Variants in SH3BGR observed in about 807,000 individuals in gnomAD.
SH3BGR encodes SH3 domain-binding glutamic acid-rich protein.
SH3BGR carries 29 observed loss-of-function variants against 24.5 expected under a neutral mutation model. The observed-to-expected ratio is 1.18, with a 90% CI of 0.88 to 1.61. SH3BGR has a LOEUF of 1.61. Among genes scored for constraint, SH3BGR ranks in the 40% most tolerant of loss-of-function variants. SH3BGR has a pLI of 0.00. For synonymous variants in SH3BGR, 55 were observed against 65.7 expected, an observed-to-expected ratio of 0.84 and a Z score of 0.79; for missense variants, 162 against 205.8, an observed-to-expected ratio of 0.79 and a Z score of 1.30.
chr21:39,480,525 T>C (rs1024693355), intron 3 of SH3BGR, among the ~76,000 whole-genome samples: 1 of 152,204 alleles, frequency 6.6e-6, no homozygotes, highest in Non-Finnish European at 1.5e-5. Flanking sequence ...TGTCAGCACT[T>C]CTTTCTTTGT....
At chr21:39,462,803 T>C (rs1306471213) in intron 2 of SH3BGR, among the ~76,000 whole-genome samples, 1 of 152,242 alleles carries the variant, frequency 6.6e-6, no homozygotes, top group Non-Finnish European at 1.5e-5. Flanking sequence ...TTCTTTGTTT[T>C]ATTTTGAAGA....
At position 39,504,337 on chromosome 21, in the gene SH3BGR, T is replaced by C. The variant is rs537503873; in HGVS notation, c.405+4422T>C. On this transcript the variant is annotated intron_variant, in intron 4 of 6. Coordinates refer to ENST00000333634, the MANE Select transcript of SH3BGR (RefSeq NM_007341.3). ...GCCTGCAGCTCGAGAGGACTCTGCC[T>C]CTGTCCTCTCATCTCTAGCCGCTCT... Among the ~76,000 whole-genome samples, 8 of 152,312 alleles carry C rather than the reference T, an allele frequency of 5.3e-5. No homozygotes were observed. The East Asian group carries it at 1.5e-3, about 29-fold the overall frequency.
chr21:39,448,838 C>T (rs1248826567), upstream of SH3BGR, among the ~76,000 whole-genome samples: 1 of 152,090 alleles, frequency 6.6e-6, no homozygotes, highest in Admixed American at 6.5e-5. Flanking sequence ...TCCAACTGAC[C>T]CCGATAGACT....
intron 1 of SH3BGR, among the ~76,000 whole-genome samples, chr21:39,458,050 T>C (rs906241651): frequency 3.3e-5 from 5 of 152,216 alleles, no homozygotes; most frequent in Non-Finnish European, 7.3e-5. Flanking sequence ...TTGGTTTACA[T>C]GTCTCTAAGA....
chr21:39,465,652 G>A lies in SH3BGR; in HGVS notation c.231+3092G>A, dbSNP rs916104350. 1.4e-4 allele frequency among the ~76,000 whole-genome samples: 21 copies of A among 152,150 alleles called. 1 individual carries two copies. Among genetic ancestry groups the A allele is most frequent in the South Asian group, 6.2e-4 (3 of 4,816 alleles). On this transcript the variant is annotated intron_variant, in intron 2 of 6. Transcript: ENST00000333634. ...GTCACCCAGGTTGGAGTGCAGTGGCGCAATCATAGCTCACTGCAGCCTCAA... is the reference window on the plus strand; with the variant it reads ...GTCACCCAGGTTGGAGTGCAGTGGCACAATCATAGCTCACTGCAGCCTCAA...
At chr21:39,468,864 CCTCTT>C (rs2077887708) in intron 2 of SH3BGR, among the ~76,000 whole-genome samples, 2 of 152,108 alleles carry the variant, frequency 1.3e-5, no homozygotes, top group Admixed American at 1.3e-4. Flanking sequence ...TTTTAGAGAG[CCTCTT>C]GTTCATCTGG....
rs554376258 is a variant in SH3BGR at position 39,515,383 on chromosome 21, G to GTTC, written c.*332_*334dup. ...AAAAAAATGATTTCAAGGCATGGAA[G>GTTC]TTCTCTGTGATACAACAATAGTATT... On this transcript the variant is annotated 3_prime_UTR_variant, in exon 7 of 7. Transcript: ENST00000333634. 401 of 170,464 alleles carry GTTC rather than the reference G, an allele frequency of 2.4e-3. 2 individuals are homozygous for GTTC. The highest frequency in any genetic ancestry group is 8.9e-3 in the African/African-American group (373 of 41,964). The allele number at this position is 170,464 out of a possible 1,614,324, so 10.6% of individuals were successfully genotyped here. A position where few individuals can be genotyped will look rare whatever the true frequency, so the allele number is the denominator to read the frequency against.
At chr21:39,486,528 C>T (rs1326886194) in intron 3 of SH3BGR, among the ~76,000 whole-genome samples, 2 of 152,038 alleles carry the variant, frequency 1.3e-5, no homozygotes, top group African/African-American at 2.4e-5. Flanking sequence ...AGGTCCTAAA[C>T]ATCTATTTAT....
At chr21:39,513,957 C>T (rs1467372336) in intron 6 of SH3BGR, among the ~76,000 whole-genome samples, 1 of 152,010 alleles carries the variant, frequency 6.6e-6, no homozygotes, top group Non-Finnish European at 1.5e-5. Flanking sequence ...CAGATGGCTT[C>T]TTTATAGGCC....
At chr21:39,499,700 A>T in intron 3 of SH3BGR, 123 bp from the exon 4 acceptor site, 2 of 630,382 alleles carry the variant, frequency 3.2e-6, no homozygotes, top group East Asian at 2.9e-5. Context: ...ATGAGTGGGC[A>T]GTCTATGTTT....
intron 2 of SH3BGR, among the ~76,000 whole-genome samples, chr21:39,467,476 C>T (rs1040382253): frequency 6.6e-6 from 1 of 152,000 alleles, no homozygotes; most frequent in African/African-American, 2.4e-5. Flanking sequence ...TTTCTGTGGT[C>T]TATGGACACA....
intron 4 of SH3BGR, among the ~76,000 whole-genome samples, chr21:39,504,416 A>G (rs57239120): frequency 0.09 from 13,714 of 152,142 alleles, 969 homozygotes; most frequent in African/African-American, 0.19. Context: ...TATCTCCCAC[A>G]CCTGCCACCT....
intron 6 of SH3BGR, among the ~76,000 whole-genome samples, chr21:39,514,806 A>G (rs2078754809): frequency 6.6e-6 from 1 of 152,226 alleles, no homozygotes; most frequent in Admixed American, 6.5e-5. Context: ...CCAAGCTGTC[A>G]ATTCAGCCTA....
chr21:39,509,855 G>A (rs940289236), intron 5 of SH3BGR, among the ~76,000 whole-genome samples: 3 of 151,980 alleles, frequency 2.0e-5, no homozygotes, highest in African/African-American at 4.8e-5. Flanking sequence ...ACTAAGTTAC[G>A]TGTATTGTCT....
chr21:39,489,430 T>C (rs1298938985), intron 3 of SH3BGR, among the ~76,000 whole-genome samples: 1 of 152,216 alleles, frequency 6.6e-6, no homozygotes, highest in Non-Finnish European at 1.5e-5. Flanking sequence ...CTCAGTGGTG[T>C]GTTCCAGTTG....
chr21:39,459,091 C>G (rs1415221025), intron 1 of SH3BGR, among the ~76,000 whole-genome samples: 1 of 151,724 alleles, frequency 6.6e-6, no homozygotes, highest in Non-Finnish European at 1.5e-5. Context: ...ACATGAAGGA[C>G]TTGGCACAAT....
chr21:39,453,018 G>GC (rs1475881879), intron 1 of SH3BGR, among the ~76,000 whole-genome samples: 2 of 152,190 alleles, frequency 1.3e-5, no homozygotes, highest in Non-Finnish European at 2.9e-5. Context: ...GACCAGCAAG[G>GC]CGGCTGTTCC....
intron 5 of SH3BGR, among the ~76,000 whole-genome samples, chr21:39,510,883 A>T (rs1016816539): frequency 1.8e-5 from 2 of 110,522 alleles, no homozygotes; most frequent in East Asian, 3.1e-4. Context: ...CAATTTGCTG[A>T]TTCTTTTTGT....
At chr21:39,463,718 G>A (rs1483761854) in intron 2 of SH3BGR, among the ~76,000 whole-genome samples, 3 of 152,190 alleles carry the variant, frequency 2.0e-5, no homozygotes, top group Non-Finnish European at 4.4e-5. Flanking sequence ...CACCATGGCA[G>A]ATTTGAATAG....
Sources: gnomAD v4.1 joint callset for allele counts (sites outside exome capture counted in the v4.1 genomes callset) on GRCh38, gnomAD v4.1.1 for gene constraint, MANE v1.5 for transcripts, NCBI Gene and HGNC (gene_info 2026-07-23, HGNC 2026-07-21) for gene names.